The following ARHGAP27 variants were observed in gnomAD, a reference collection of about 807,000 sequenced individuals.
ARHGAP27 encodes Rho GTPase activating protein 27, also known as rho GTPase-activating protein 27.
ARHGAP27 carries 53 observed loss-of-function variants against 102.0 expected under a neutral mutation model. The observed-to-expected ratio is 0.52, with a 90% CI of 0.42 to 0.65. The LOEUF (loss-of-function observed/expected upper bound fraction) is 0.65. Among genes scored for constraint, ARHGAP27 ranks in the 30% least tolerant of loss-of-function variants. The pLI is 0.00. For missense variants in ARHGAP27, 1,117 were observed against 1,256.2 expected (o/e 0.89, Z 1.68); for synonymous variants, 525 against 542.8 (o/e 0.97, Z 0.46).
chr17:45,398,735 A>G (rs1283870842), intron 12 of ARHGAP27, among the ~76,000 whole-genome samples: 1 of 35,836 alleles, frequency 2.8e-5, no homozygotes, highest in Non-Finnish European at 5.6e-5. Context: ...CTCCGTCTCA[A>G]AAAAAAAAAA....
rs749945885 is a variant in ARHGAP27 at position 45,396,932 on chromosome 17, GTCC to G, written c.1932_1934del (p.Glu644del). 2.5e-6 allele frequency: 4 copies of G among 1,606,258 alleles called. No individual in the cohort carries two copies. Among genetic ancestry groups the G allele is most frequent in the Non-Finnish European group, 3.4e-6 (4 of 1,179,968 alleles). The stretch of plus-strand genomic sequence containing the variant: ...TGCGCACACCTGCATTCGGTCGCGC[GTCC>G]TCCTCTTTCTCCTGCCAGCTTCCCA... On this transcript the variant is annotated inframe_deletion, in exon 14 of 20. Transcript: ENST00000685559.
intron 19 of ARHGAP27, 26 bp downstream of exon 19, chr17:45,395,718 C>A: frequency 6.4e-7 from 1 of 1,574,736 alleles, no homozygotes; most frequent in Non-Finnish European, 8.6e-7. Flanking sequence ...CTGCCTCCCC[C>A]TTCCCGCGCG....
chr17:45,418,513 A>G (rs934901870), intron 4 of ARHGAP27, among the ~76,000 whole-genome samples: 2 of 152,166 alleles, frequency 1.3e-5, no homozygotes, highest in African/African-American at 4.8e-5. Flanking sequence ...TCTCACCTGG[A>G]AACAGACTTG....
At chr17:45,410,002 A>AGGCT (rs2047711737) in intron 4 of ARHGAP27, 1 of 569,778 alleles carries the variant, frequency 1.8e-6, no homozygotes, top group Non-Finnish European at 3.0e-6. Flanking sequence ...ACAGTGGTTC[A>AGGCT]CCCCTTATCT....
At chr17:45,418,279 A>G (rs2048683486) in intron 4 of ARHGAP27, among the ~76,000 whole-genome samples, 1 of 151,152 alleles carries the variant, frequency 6.6e-6, no homozygotes, top group African/African-American at 2.4e-5. Flanking sequence ...AGTAAAAAAA[A>G]AAAAAAAAAA....
intron 12 of ARHGAP27, 70 bp from the exon 13 acceptor site, chr17:45,398,117 G>A (rs540219895): frequency 1.5e-6 from 2 of 1,360,264 alleles, no homozygotes; most frequent in African/African-American, 2.8e-5. Flanking sequence ...CCCTAGTTGG[G>A]GGTAGGTACA....
rs1008337697 is a variant in ARHGAP27 at position 45,405,567 on chromosome 17, GC to G, written c.1065+108del. ...GTCAAAGGCTCTCAGAGGTAGCCCC[GC>G]CCACCCATCACCACCCCCTCACCCG... On this transcript the variant is annotated intron_variant, in intron 5 of 19. Transcript: ENST00000685559. 4.9e-5 allele frequency: 36 copies of G among 733,528 alleles called. No homozygotes were observed. The African/African-American group carries it at 5.8e-4, about 12-fold the overall frequency. 45.4% of individuals were successfully genotyped at this position (733,528 alleles called of 1,614,324 possible).
chr17:45,411,832 G>A (rs2047948135), intron 4 of ARHGAP27, among the ~76,000 whole-genome samples: 1 of 150,964 alleles, frequency 6.6e-6, no homozygotes, highest in South Asian at 2.1e-4. Context: ...ACACACGTGT[G>A]CGTGCATATG....
In ARHGAP27 at chr17:45,430,221, G is replaced by A. The variant is rs757314905; in HGVS notation, c.59C>T (p.Thr20Ile). 1.9e-6 allele frequency: 3 copies of A among 1,569,110 alleles called. No homozygotes were observed. The highest frequency in any genetic ancestry group is 1.8e-5 in the Admixed American group (1 of 55,982). The change falls in exon 4 of 20, where the codon ACC becomes ATC. Residue 20 changes from threonine to isoleucine, a missense_variant. Thr to Ile is a moderately conservative substitution (Grantham distance 89). Around this residue, in one of 3 missense-constraint regions of ARHGAP27, gnomAD observed 610 missense variants for 716.4 expected, o/e 0.85. Transcript: ENST00000685559. The surrounding 1 kb of genome is among the most constrained non-coding windows in gnomAD (Gnocchi z 4.4). Reference sequence around the variant, plus strand: ...GGCCACGCGGCGCCCGTCCTTGCCGGTGTACTCGAAGGGGTGCTCCACCAG... The same window carrying A: ...GGCCACGCGGCGCCCGTCCTTGCCGATGTACTCGAAGGGGTGCTCCACCAG... ...YVLVEHPFEY[T>I]GKDGRRVAIR...
At position 45,404,431 on chromosome 17, in the gene ARHGAP27, G is replaced by T. The variant is rs755851338; in HGVS notation, c.1413+14C>A. 2 of 1,614,016 alleles carry T rather than the reference G, an allele frequency of 1.2e-6. No homozygotes were observed. Among genetic ancestry groups the T allele is most frequent in the Non-Finnish European group, 1.7e-6 (2 of 1,179,916 alleles). ...GTGGTGGTCCTGCCAGGACCTCAAT[G>T]GCTCCTCCCCTACCTTCTCCTCTGG... On this transcript the variant is annotated intron_variant, in intron 8 of 19. Transcript: ENST00000685559.
chr17:45,411,023 A>G (rs1307253834), intron 4 of ARHGAP27, among the ~76,000 whole-genome samples: 1 of 152,010 alleles, frequency 6.6e-6, no homozygotes, highest in Non-Finnish European at 1.5e-5. Flanking sequence ...CCACGCCTGC[A>G]TGCCCACATG....
rs922980735 is a variant in ARHGAP27 at position 45,402,914 on chromosome 17, G to T, written c.1639-96C>A. On this transcript the variant is annotated intron_variant, in intron 11 of 19. Transcript: ENST00000685559. Reference sequence around the variant, plus strand: ...GGAATAGGATGGGGTCACTGGCATGGCCAGGAAACAACTCTGGGGAAAAGT... The same window carrying T: ...GGAATAGGATGGGGTCACTGGCATGTCCAGGAAACAACTCTGGGGAAAAGT... 6.4e-6 allele frequency: 7 copies of T among 1,092,802 alleles called. No individual in the cohort carries two copies. In the African/African-American group the frequency reaches 9.6e-5, roughly 15 times the overall value. The allele number at this position is 1,092,802 out of a possible 1,614,324, so 67.7% of individuals were successfully genotyped here. A position where few individuals can be genotyped will look rare whatever the true frequency, so the allele number is the denominator to read the frequency against.
At chr17:45,424,512 C>T (rs552757282) in intron 4 of ARHGAP27, among the ~76,000 whole-genome samples, 1 of 152,318 alleles carries the variant, frequency 6.6e-6, no homozygotes, top group Non-Finnish European at 1.5e-5. Context: ...ACTGACCACC[C>T]ATCCAGGCTG....
At position 45,404,925 on chromosome 17, in the gene ARHGAP27, T is replaced by G; in HGVS notation, c.1247A>C (p.Gln416Pro). 6.2e-7 allele frequency: 1 copy of G among 1,614,064 alleles called. No individual in the cohort carries two copies. Among genetic ancestry groups the G allele is most frequent in the Non-Finnish European group, 8.5e-7 (1 of 1,179,980 alleles). The change falls in exon 6 of 20, where the codon CAG (glutamine) becomes CCG (proline). Residue 416 changes from glutamine (Q) to proline (P), a missense_variant and splice_region_variant. By Grantham distance (76) the Gln-to-Pro change is moderately conservative. Transcript: ENST00000685559. ...GGTCCATCTGCCCCCTGCCCCTACCTGCTCCTGAGTGAAGTGGTTGGTGTA... is the reference window on the plus strand; with the variant it reads ...GGTCCATCTGCCCCCTGCCCCTACCGGCTCCTGAGTGAAGTGGTTGGTGTA... ...MLYTNHFTQE[Q>P]WVRLEDPHGK... is the part of the protein sequence containing the mutation.
chr17:45,428,081 C>T (rs2049782931), intron 4 of ARHGAP27, among the ~76,000 whole-genome samples: 1 of 152,250 alleles, frequency 6.6e-6, no homozygotes, highest in Admixed American at 6.5e-5. Context: ...CTGTTTGAGC[C>T]AGACCCTGGG....
chr17:45,424,193 G>GTCC (rs570780093), intron 4 of ARHGAP27, among the ~76,000 whole-genome samples: 435 of 152,320 alleles, frequency 2.9e-3, no homozygotes, highest in African/African-American at 1.0e-2. Flanking sequence ...GGACAGAAGG[G>GTCC]TCCTGCAGGC....
intron 4 of ARHGAP27, among the ~76,000 whole-genome samples, chr17:45,415,143 C>G (rs2048333081): frequency 6.6e-6 from 1 of 151,582 alleles, no homozygotes; most frequent in African/African-American, 2.4e-5. Context: ...TTTTTCCCTT[C>G]CTCCTTTTTG....
At chr17:45,426,994 C>T (rs549787077) in intron 4 of ARHGAP27, among the ~76,000 whole-genome samples, 74 of 152,210 alleles carry the variant, frequency 4.9e-4, no homozygotes, top group Non-Finnish European at 9.6e-4. Context: ...CAGGTGGGCC[C>T]CATCTTTTTT....
chr17:45,416,428 A>C (rs1484526101), intron 4 of ARHGAP27, among the ~76,000 whole-genome samples: 1 of 152,032 alleles, frequency 6.6e-6, no homozygotes, highest in Non-Finnish European at 1.5e-5. Flanking sequence ...AATAAAAATA[A>C]ACACGGCAAA....
Sources: gnomAD v4.1 joint callset for allele counts (sites outside exome capture counted in the v4.1 genomes callset) on GRCh38, gnomAD v4.1.1 for gene constraint, gnomAD v4.1.1 regional missense constraint, Gnocchi (gnomAD v3.1) non-coding constraint, MANE v1.5 for transcripts, NCBI Gene and HGNC (gene_info 2026-07-23, HGNC 2026-07-21) for gene names.